Variants in SEC14L5 observed in about 807,000 individuals in gnomAD.
The protein encoded by SEC14L5 is SEC14-like protein 5.
SEC14L5 carries 96 observed loss-of-function variants against 84.6 expected under a neutral mutation model. The observed-to-expected ratio is 1.13, with a 90% CI of 0.96 to 1.34. The LOEUF (loss-of-function observed/expected upper bound fraction) is 1.34, where lower values mean the gene tolerates loss of function less well. Among genes scored for constraint, SEC14L5 ranks in the 40% most tolerant of loss-of-function variants. SEC14L5 has a pLI of 0.00. For synonymous variants in SEC14L5, 546 were observed against 383.4 expected (o/e 1.42, Z -4.95); for missense variants, 1,224 against 942.5 (o/e 1.30, Z -3.91).
At chr16:5,003,105 T>G (rs926961487) in intron 10 of SEC14L5, among the ~76,000 whole-genome samples, 1 of 152,272 alleles carries the variant, frequency 6.6e-6, no homozygotes, top group Non-Finnish European at 1.5e-5. Flanking sequence ...CACTTGATCC[T>G]AACAGCAGTT....
chr16:4,996,252 G>A (rs1955607057), intron 6 of SEC14L5, 96 bp from the exon 7 acceptor site: 1 of 746,858 alleles, frequency 1.3e-6, no homozygotes, highest in African/African-American at 1.7e-5. Flanking sequence ...ACGTTTTAGA[G>A]TCAGTGAGGC....
chr16:4,972,754 GT>G (rs1955296115), intron 2 of SEC14L5, among the ~76,000 whole-genome samples: 2 of 152,152 alleles, frequency 1.3e-5, no homozygotes, highest in Admixed American at 6.5e-5. Context: ...ACACGTGGGT[GT>G]TTTCCCCCTT....
intron 11 of SEC14L5, among the ~76,000 whole-genome samples, chr16:5,005,345 A>G (rs1195877243): frequency 2.0e-5 from 3 of 151,734 alleles, no homozygotes; most frequent in Admixed American, 6.6e-5. Context: ...AACGCCCAGA[A>G]TAGGCAAATC....
At chr16:4,992,099 C>G in intron 6 of SEC14L5, 69 bp downstream of exon 6, 1 of 1,145,242 alleles carries the variant, frequency 8.7e-7, no homozygotes, top group Non-Finnish European at 1.2e-6. Flanking sequence ...CATGGGGGGC[C>G]CTGGGGCATG....
chr16:4,998,091 C>T (rs975606956), intron 8 of SEC14L5, among the ~76,000 whole-genome samples: 2 of 151,156 alleles, frequency 1.3e-5, no homozygotes, highest in Non-Finnish European at 2.9e-5. Context: ...GCAACTCCGC[C>T]CCCCGCCAGG....
intron 2 of SEC14L5, among the ~76,000 whole-genome samples, chr16:4,966,267 CTTTTTT>C (rs1019686741): frequency 3.8e-5 from 3 of 78,770 alleles, no homozygotes; most frequent in East Asian, 7.9e-4. Context: ...CGCCCGGCCT[CTTTTTT>C]TTTTTTTTTT....
intron 10 of SEC14L5, 130 bp from the exon 11 acceptor site, chr16:5,003,272 C>T (rs1267504695): frequency 7.3e-6 from 5 of 685,792 alleles, no homozygotes; most frequent in Non-Finnish European, 1.2e-5. Context: ...GGGCTCCCTA[C>T]TGTGGCAGGA....
At chr16:5,013,805 A>G (rs1289073766) in intron 15 of SEC14L5, among the ~76,000 whole-genome samples, 1 of 151,544 alleles carries the variant, frequency 6.6e-6, no homozygotes, top group Non-Finnish European at 1.5e-5. Context: ...CAATCCACCC[A>G]CTTCGGCCTC....
intron 15 of SEC14L5, among the ~76,000 whole-genome samples, chr16:5,011,591 C>T (rs1325836659): frequency 6.6e-6 from 1 of 152,198 alleles, no homozygotes; most frequent in Non-Finnish European, 1.5e-5. Context: ...CCCCTCACTC[C>T]TAGAATTCCA....
chr16:5,007,853 G>C (rs948788005), intron 13 of SEC14L5, among the ~76,000 whole-genome samples: 6 of 150,270 alleles, frequency 4.0e-5, no homozygotes, highest in African/African-American at 1.5e-4. Context: ...TGATCCGCCC[G>C]CCTAGGCCTC....
In SEC14L5 at chr16:4,959,258, C is replaced by A; in HGVS notation, c.-51-15C>A. ...AGGTGGGAGCTGCAACCTCACCAGTCACTCCTCGCCCCAGGCTCTGTGCAC... is the reference window on the plus strand; with the variant it reads ...AGGTGGGAGCTGCAACCTCACCAGTAACTCCTCGCCCCAGGCTCTGTGCAC... On this transcript the variant is annotated splice_polypyrimidine_tract_variant and intron_variant, in intron 1 of 15. Coordinates refer to ENST00000251170, the MANE Select transcript of SEC14L5 (RefSeq NM_014692.2). 1 of 1,295,026 alleles carries A rather than the reference C, an allele frequency of 7.7e-7. No homozygotes were observed. The highest frequency in any genetic ancestry group is 1.1e-6 in the Non-Finnish European group (1 of 890,130). 80.2% of individuals were successfully genotyped at this position (1,295,026 alleles called of 1,614,324 possible).
intron 2 of SEC14L5, among the ~76,000 whole-genome samples, chr16:4,967,312 G>GT (rs998347419): frequency 4.6e-5 from 7 of 152,064 alleles, no homozygotes; most frequent in African/African-American, 9.6e-5. Flanking sequence ...CCAGATTTCC[G>GT]TTTTTTTATA....
At chr16:4,981,067 C>A (rs992034636) in intron 2 of SEC14L5, among the ~76,000 whole-genome samples, 1 of 76,282 alleles carries the variant, frequency 1.3e-5, no homozygotes, top group South Asian at 5.6e-4. Context: ...GGCCCGAGGA[C>A]CACCATAAAG....
rs1267375921 is a variant in SEC14L5 at position 4,989,293 on chromosome 16, T to C, written c.345+1013T>C. 2.8e-5 allele frequency among the ~76,000 whole-genome samples: 4 copies of C among 144,200 alleles called. 1 individual carries two copies. The South Asian group carries it at 7.8e-4, about 28-fold the overall frequency. 94.6% of individuals were successfully genotyped at this position (144,200 alleles called of 152,430 possible). A position where few individuals can be genotyped will look rare whatever the true frequency, so the allele number is the denominator to read the frequency against. On this transcript the variant is annotated intron_variant, in intron 4 of 15. Coordinates refer to ENST00000251170, the MANE Select transcript of SEC14L5 (RefSeq NM_014692.2). ...CCAGGATAGCAATGGTAGACCATTG[T>C]ACGTGTTTTTTTTTTTGTTTGTTTG...
intron 2 of SEC14L5, among the ~76,000 whole-genome samples, chr16:4,977,438 C>G (rs1955356766): frequency 1.3e-5 from 1 of 78,364 alleles, no homozygotes; most frequent in Non-Finnish European, 2.2e-5. Flanking sequence ...AAGAGTGAGA[C>G]TCCGTCTCAA....
intron 8 of SEC14L5, among the ~76,000 whole-genome samples, chr16:4,999,933 C>A (rs1224369587): frequency 6.6e-6 from 1 of 150,570 alleles, no homozygotes; most frequent in Non-Finnish European, 1.5e-5. Context: ...ACAAATCAAC[C>A]AACTAACAAA....
rs539378894 is a variant in SEC14L5, at chr16:4,985,618, C to A, written c.64-1939C>A. Among the ~76,000 whole-genome samples the A allele has an allele frequency of 5.3e-5, 8 of 152,218 alleles. No homozygotes were observed. The South Asian group carries it at 1.5e-3, about 28-fold the overall frequency. ...TTTTCTCATCAGATTGTCTTGACAC[C>A]TTTGTAAAAAATCAGTTGGTGATAA... is the stretch of plus-strand genomic sequence containing the variant. On this transcript the variant is annotated intron_variant, in intron 2 of 15. Transcript: ENST00000251170.
At chr16:4,999,402 C>T (rs1328010381) in intron 8 of SEC14L5, among the ~76,000 whole-genome samples, 3 of 152,140 alleles carry the variant, frequency 2.0e-5, no homozygotes, top group African/African-American at 4.8e-5. Flanking sequence ...CCCAGGAGTT[C>T]GAGACCAGCC....
intron 2 of SEC14L5, among the ~76,000 whole-genome samples, chr16:4,968,927 G>A (rs142690255): frequency 6.6e-6 from 1 of 152,254 alleles, no homozygotes; most frequent in Admixed American, 6.5e-5. Flanking sequence ...TTTAGCCAAT[G>A]CGTTATTAAT....
Sources: gnomAD v4.1 joint callset for allele counts (sites outside exome capture counted in the v4.1 genomes callset) on GRCh38, gnomAD v4.1.1 for gene constraint, MANE v1.5 for transcripts, NCBI Gene and HGNC (gene_info 2026-07-23, HGNC 2026-07-21) for gene names.